The following GGT5 variants were observed in gnomAD, a reference collection of about 807,000 sequenced individuals.
GGT5 encodes the protein gamma-glutamyltransferase 5, also known as glutathione hydrolase 5 proenzyme.
GGT5 carries 50 observed loss-of-function variants against 58.1 expected under a neutral mutation model. The observed-to-expected ratio is 0.86, with a 90% confidence interval of 0.69 to 1.09. GGT5 has a LOEUF of 1.09. Among genes scored for constraint, GGT5 ranks in the 50% least tolerant of loss-of-function variants. The pLI, the probability that GGT5 is intolerant of heterozygous loss-of-function variation, is 0.00. For missense variants in GGT5, 800 were observed against 789.4 expected (o/e 1.01, Z -0.16); for synonymous variants, 370 against 346.1 (o/e 1.07, Z -0.77).
At chr22:24,229,435 C>T (rs1302650018) in intron 6 of GGT5, among the ~76,000 whole-genome samples, 1 of 148,632 alleles carries the variant, frequency 6.7e-6, no homozygotes, top group African/African-American at 2.5e-5. Context: ...CTAATGGACT[C>T]TGGGAACTCA....
chr22:24,232,529 C>T (rs1174581258), intron 4 of GGT5, among the ~76,000 whole-genome samples: 1 of 151,876 alleles, frequency 6.6e-6, no homozygotes, highest in Non-Finnish European at 1.5e-5. Flanking sequence ...TGAAGCCCTC[C>T]TGCCATGCCA....
chr22:24,234,272 G>A (rs1315286947), intron 1 of GGT5, among the ~76,000 whole-genome samples: 2 of 152,188 alleles, frequency 1.3e-5, no homozygotes, highest in African/African-American at 4.8e-5. Flanking sequence ...AAGTACTTCT[G>A]TTGCCATTGT....
intron 7 of GGT5, 125 bp downstream of exon 7, chr22:24,226,506 C>T (rs1031709620): frequency 9.3e-7 from 1 of 1,074,510 alleles, no homozygotes; most frequent in Admixed American, 2.1e-5. Context: ...TTCAGTCCTG[C>T]CCTGGCCTAG....
chr22:24,238,945 T>TA (rs2048247469), intron 1 of GGT5, among the ~76,000 whole-genome samples: 1 of 40,846 alleles, frequency 2.4e-5, no homozygotes, highest in Non-Finnish European at 4.4e-5. Context: ...ATATAATATA[T>TA]ATATATATAT....
At chr22:24,235,827 C>A (rs1877005413) in intron 1 of GGT5, among the ~76,000 whole-genome samples, 3 of 152,034 alleles carry the variant, frequency 2.0e-5, no homozygotes, top group African/African-American at 4.8e-5. Flanking sequence ...GCTTCCAGGG[C>A]AAAATGGGGT....
At chr22:24,234,067 C>T in intron 1 of GGT5, 63 bp from the exon 2 acceptor site, 4 of 1,512,152 alleles carry the variant, frequency 2.6e-6, no homozygotes, top group Non-Finnish European at 2.7e-6. Flanking sequence ...ACCAGGCTTG[C>T]TCAGCTGGCA....
At position 24,244,684 on chromosome 22, in the gene GGT5, C is replaced by T; in HGVS notation, c.42G>A (p.Leu14=). 1 of 1,612,800 alleles carries T rather than the reference C, an allele frequency of 6.2e-7. No homozygotes were observed. Among genetic ancestry groups the T allele is most frequent in the Non-Finnish European group, 8.5e-7 (1 of 1,179,980 alleles). Reference sequence around the variant, plus strand: ...TGACAGCCAGCGCCAGCCCCAGACCCAGCAGGACTAGGCTGACCGTGGCCC... The same window carrying T: ...TGACAGCCAGCGCCAGCCCCAGACCTAGCAGGACTAGGCTGACCGTGGCCC... The part of the protein sequence containing the change: ...GYGATVSLVL[L]GLGLALAVIV... Residue 14 remains leucine, a synonymous_variant, in exon 1 of 12, where the codon CTG becomes CTA. Transcript: ENST00000327365.
At chr22:24,239,195 C>T (rs2048260695) in intron 1 of GGT5, among the ~76,000 whole-genome samples, 1 of 150,198 alleles carries the variant, frequency 6.7e-6, no homozygotes, top group African/African-American at 2.5e-5. Flanking sequence ...AAAAATTAGC[C>T]AGGCGTGGTG....
chr22:24,227,537 A>G (rs748858612), intron 6 of GGT5, among the ~76,000 whole-genome samples: 2 of 152,134 alleles, frequency 1.3e-5, no homozygotes, highest in South Asian at 2.1e-4. Flanking sequence ...ATGAGCCACC[A>G]CACCCGGCCT....
chr22:24,237,938 A>G (rs2048146382), intron 1 of GGT5, among the ~76,000 whole-genome samples: 1 of 152,048 alleles, frequency 6.6e-6, no homozygotes, highest in African/African-American at 2.4e-5. Flanking sequence ...TCATCTATTA[A>G]AAATGGAGGC....
Position 24,224,904 on chromosome 22 carries a change from T to C in GGT5, c.1614+92A>G. The stretch of plus-strand genomic sequence containing the variant: ...TTGAAGTGTACCTGGCCTAAGAATC[T>C]CAGTGACTGAGTTCCTCCCAGGTGG... On this transcript the variant is annotated intron_variant, in intron 11 of 11. Coordinates refer to ENST00000327365, the MANE Select transcript of GGT5 (RefSeq NM_004121.5). 3 of 804,808 alleles carry C rather than the reference T, an allele frequency of 3.7e-6. No individual in the cohort carries two copies. In the South Asian group the frequency reaches 4.7e-5, roughly 12 times the overall value. 49.9% of individuals were successfully genotyped at this position (804,808 alleles called of 1,614,324 possible).
intron 1 of GGT5, among the ~76,000 whole-genome samples, chr22:24,240,751 C>T (rs1234793779): frequency 6.6e-6 from 1 of 152,110 alleles, no homozygotes; most frequent in Non-Finnish European, 1.5e-5. Flanking sequence ...CCTTGACCTC[C>T]CAAAGTGCCA....
At chr22:24,230,702 C>T (rs187156626) in intron 6 of GGT5, among the ~76,000 whole-genome samples, 1 of 152,160 alleles carries the variant, frequency 6.6e-6, no homozygotes, top group African/African-American at 2.4e-5. Flanking sequence ...CCTGAATACA[C>T]ACATAGTTTA....
rs191823591 is a variant in GGT5, at chr22:24,235,183, C to T, written c.174-1179G>A. On this transcript the variant is annotated intron_variant, in intron 1 of 11. Coordinates refer to ENST00000327365, the MANE Select transcript of GGT5 (RefSeq NM_004121.5). ...AAGCGATTCTCCTGCTTCAGCCTGCCGAGTAGCTGGGATTACAGGCATGCA... is the reference window on the plus strand; with the variant it reads ...AAGCGATTCTCCTGCTTCAGCCTGCTGAGTAGCTGGGATTACAGGCATGCA... Among the ~76,000 whole-genome samples, 863 of 151,776 alleles carry T rather than the reference C, an allele frequency of 5.7e-3. 6 individuals are homozygous for T. Among genetic ancestry groups the T allele is most frequent in the Non-Finnish European group, 9.3e-3 (635 of 67,934 alleles).
rs141931204 is a variant in GGT5, at chr22:24,224,915, G to A, written c.1614+81C>T. On this transcript the variant is annotated intron_variant, in intron 11 of 11. Transcript: ENST00000327365. ...CTGGCCTAAGAATCTCAGTGACTGA[G>A]TTCCTCCCAGGTGGCTTTGAGCAGC... 4,911 of 875,626 alleles carry A rather than the reference G, an allele frequency of 5.6e-3. 21 individuals are homozygous for A. The highest frequency in any genetic ancestry group is 7.1e-3 in the Non-Finnish European group (3,831 of 542,714). 54.2% of individuals were successfully genotyped at this position (875,626 alleles called of 1,614,324 possible). A position where few individuals can be genotyped will look rare whatever the true frequency, so the allele number is the denominator to read the frequency against.
chr22:24,233,037 C>A lies in GGT5; in HGVS notation c.401-19G>T. ...TGGGCCCCTGCATGGCACATCCCAG[C>A]TCTCAACCCTGTGGCTTCCAGGCCT... On this transcript the variant is annotated intron_variant, in intron 3 of 11. Coordinates refer to ENST00000327365, the MANE Select transcript of GGT5 (RefSeq NM_004121.5). 6.8e-7 allele frequency: 1 copy of A among 1,469,648 alleles called. No homozygotes were observed. Among genetic ancestry groups the A allele is most frequent in the Non-Finnish European group, 9.1e-7 (1 of 1,103,030 alleles). The allele number at this position is 1,469,648 out of a possible 1,614,324, so 91.0% of individuals were successfully genotyped here.
At chr22:24,226,020 T>A in intron 8 of GGT5, 56 bp downstream of exon 8, 1 of 1,250,510 alleles carries the variant, frequency 8.0e-7, no homozygotes, top group Non-Finnish European at 1.1e-6. Flanking sequence ...GCTGGGGGTG[T>A]GCAGGTCTAG....
At chr22:24,233,389 G>T (rs555473726) in intron 3 of GGT5, 109 bp downstream of exon 3, 6 of 643,038 alleles carry the variant, frequency 9.3e-6, no homozygotes, top group South Asian at 4.0e-5. Flanking sequence ...GTGTCCCCCC[G>T]TGCCAGGGAG....
In GGT5 at chr22:24,238,886, ATATTT is replaced by A. The variant is rs1466005073; in HGVS notation, c.174-4887_174-4883del. Among the ~76,000 whole-genome samples, 14 of 12,452 alleles carry A rather than the reference ATATTT, an allele frequency of 1.1e-3. 1 individual carries two copies. The highest frequency in any genetic ancestry group is 7.4e-3 in the African/African-American group (14 of 1,888). The allele number at this position is 12,452 out of a possible 152,430, so 8.2% of individuals were successfully genotyped here. On this transcript the variant is annotated intron_variant, in intron 1 of 11. Transcript: ENST00000327365. ...ATATAATATATATAATATATATTAT[ATATTT>A]TATATATATATATATTATATATATT...
Sources: allele counts gnomAD v4.1 joint callset (sites outside exome capture counted in the v4.1 genomes callset), GRCh38; gene constraint gnomAD v4.1.1; transcripts MANE v1.5; gene names NCBI Gene and HGNC (gene_info 2026-07-23, HGNC 2026-07-21).